Variants in CYP3A5 observed in about 807,000 individuals in gnomAD.
CYP3A5 encodes the protein cytochrome P450 3A5.
A neutral mutation model predicts 55.9 loss-of-function variants in CYP3A5; 51 were observed. That is an observed-to-expected ratio of 0.91 (90% CI 0.73 to 1.15). The LOEUF (loss-of-function observed/expected upper bound fraction) is 1.15. Among genes scored for constraint, CYP3A5 ranks in the 50% most tolerant of loss-of-function variants. The pLI is 0.00. For synonymous variants in CYP3A5, 196 were observed against 213.9 expected (o/e 0.92, Z 0.73); for missense variants, 533 against 596.6 (o/e 0.89, Z 1.11).
Position 99,653,381 on chromosome 7 carries a change from G to A in CYP3A5, c.1027-602C>T, listed in dbSNP as rs944149953. Among the ~76,000 whole-genome samples the A allele has an allele frequency of 3.3e-5, 5 of 151,996 alleles. No homozygotes were observed. Among genetic ancestry groups the A allele is most frequent in the African/African-American group, 4.8e-5 (2 of 41,342 alleles). On this transcript the variant is annotated intron_variant, in intron 10 of 12. Coordinates refer to ENST00000222982, the MANE Select transcript of CYP3A5 (RefSeq NM_000777.5). This position sits in a 1 kb window ranked among gnomAD's most constrained non-coding sequence, Gnocchi z 4.2. The stretch of plus-strand genomic sequence containing the variant: ...CGGGAGGATGGCTTGAGCCTGGGAG[G>A]CAGAGTTTGCAGTGAGCTGAGATTG...
At chr7:99,675,769 A>G (rs951385574) in intron 2 of CYP3A5, among the ~76,000 whole-genome samples, 1 of 142,838 alleles carries the variant, frequency 7.0e-6, no homozygotes, top group African/African-American at 2.7e-5. Flanking sequence ...TCACAGCTCA[A>G]TACAGCCTTG....
At position 99,670,550 on chromosome 7, in the gene CYP3A5, A is replaced by G. The variant is rs908533829; in HGVS notation, c.318+2030T>C. Among the ~76,000 whole-genome samples, 4 of 152,232 alleles carry G rather than the reference A, an allele frequency of 2.6e-5. No homozygotes were observed. In the East Asian group the frequency reaches 7.7e-4, roughly 29 times the overall value. ...ATTTGCAACTCCATTTTCAGTCGAC[A>G]TATATATGTTACCTGGCAATTTTGA... On this transcript the variant is annotated intron_variant, in intron 4 of 12. Coordinates refer to ENST00000222982, the MANE Select transcript of CYP3A5 (RefSeq NM_000777.5).
At chr7:99,666,482 G>T in intron 6 of CYP3A5, 119 bp downstream of exon 6, 1 of 1,121,650 alleles carries the variant, frequency 8.9e-7, no homozygotes. Flanking sequence ...TGGAGTTGCA[G>T]CGCTGCCCTG....
intron 4 of CYP3A5, among the ~76,000 whole-genome samples, chr7:99,667,788 T>C (rs1811186298): frequency 6.6e-6 from 1 of 152,206 alleles, no homozygotes; most frequent in Admixed American, 6.5e-5. Context: ...GAGAGACAGT[T>C]CCTTCATTTG....
intron 4 of CYP3A5, among the ~76,000 whole-genome samples, chr7:99,669,608 G>C (rs1811379061): frequency 5.3e-5 from 8 of 152,182 alleles, no homozygotes. Context: ...CGTTTGGAGA[G>C]TAAAACTGCT....
In CYP3A5 at chr7:99,676,111, T is replaced by G. The variant is rs756323485; in HGVS notation, c.165+4A>C. The G allele has an allele frequency of 6.2e-6, 10 of 1,613,076 alleles. No individual in the cohort carries two copies. The South Asian group carries it at 1.1e-4, about 18-fold the overall frequency. ...AAGCAAAAGAGGAAGCTCAAGCAAC[T>G]CACCTGACGATAGGACAAAACATTT... On this transcript the variant is annotated splice_donor_region_variant and intron_variant, in intron 2 of 12. Transcript: ENST00000222982.
At chr7:99,656,663 G>T (rs933459368) in intron 10 of CYP3A5, among the ~76,000 whole-genome samples, 2 of 152,052 alleles carry the variant, frequency 1.3e-5, no homozygotes, top group Non-Finnish European at 2.9e-5. Flanking sequence ...ATGGTACCAG[G>T]TCCTCCTTGT....
Position 99,654,507 on chromosome 7 carries a change from G to T in CYP3A5, c.1027-1728C>A, listed in dbSNP as rs1809518938. ...TATTGGACATTTGGGTTGGTTCCAA[G>T]TCTTTGCTATTGTGAATAGTGCTGC... On this transcript the variant is annotated intron_variant, in intron 10 of 12. Transcript: ENST00000222982. 2.0e-5 allele frequency among the ~76,000 whole-genome samples: 3 copies of T among 152,210 alleles called. No homozygotes were observed. The South Asian group carries it at 6.2e-4, about 32-fold the overall frequency.
At position 99,660,523 on chromosome 7, in the gene CYP3A5, C is replaced by T; in HGVS notation, c.1002G>A (p.Glu334=). ...CCTTATTGGGCAAAACTGCATCAATCTCCTTTTGCAGTTTCTGCTGGACAT... is the reference window on the plus strand; with the variant it reads ...CCTTATTGGGCAAAACTGCATCAATTTCCTTTTGCAGTTTCTGCTGGACAT... ...HPDVQQKLQK[E]IDAVLPNKAP... The change falls in exon 10 of 13, where the codon GAG becomes GAA. Residue 334 remains glutamate, a synonymous_variant. Coordinates refer to ENST00000222982, the MANE Select transcript of CYP3A5 (RefSeq NM_000777.5). 6.2e-7 allele frequency: 1 copy of T among 1,613,096 alleles called. No individual in the cohort carries two copies. Among genetic ancestry groups the T allele is most frequent in the Non-Finnish European group, 8.5e-7 (1 of 1,179,570 alleles).
intron 10 of CYP3A5, among the ~76,000 whole-genome samples, chr7:99,656,635 G>T (rs974744241): frequency 1.3e-5 from 2 of 152,146 alleles, no homozygotes; most frequent in African/African-American, 2.4e-5. Context: ...TCTATTGATT[G>T]GAATAGTTTC....
Position 99,665,231 on chromosome 7 carries a change from G to A in CYP3A5, c.605C>T (p.Pro202Leu), listed in dbSNP as rs1363955347. Residue 202 changes from proline to leucine, a missense_variant, in exon 7 of 13, where the codon CCC (proline) becomes CTC (leucine). Coordinates refer to ENST00000222982, the MANE Select transcript of CYP3A5 (RefSeq NM_000777.5). ...GAACTTCTTAGTGCTCTCCACAAAGGGGTCTTGTGGATTGTTGAGAGAGTC... is the reference window on the plus strand; with the variant it reads ...GAACTTCTTAGTGCTCTCCACAAAGAGGTCTTGTGGATTGTTGAGAGAGTC... ...NIDSLNNPQD[P>L]FVESTKKFLK... 2.5e-6 allele frequency: 4 copies of A among 1,613,656 alleles called. No individual in the cohort carries two copies. Among genetic ancestry groups the A allele is most frequent in the Admixed American group, 1.7e-5 (1 of 60,000 alleles).
chr7:99,657,540 T>C (rs996278217), intron 10 of CYP3A5, among the ~76,000 whole-genome samples: 1 of 152,236 alleles, frequency 6.6e-6, no homozygotes, highest in Admixed American at 6.5e-5. Context: ...GGTGTGGTGC[T>C]GAAAAGAATG....
intron 10 of CYP3A5, among the ~76,000 whole-genome samples, chr7:99,655,120 T>A (rs1809577208): frequency 6.6e-6 from 1 of 152,256 alleles, no homozygotes; most frequent in Non-Finnish European, 1.5e-5. Context: ...TTGTTGCCAT[T>A]GCTTTTGGTG....
At chr7:99,651,554 A>T (rs1314479229) in intron 11 of CYP3A5, among the ~76,000 whole-genome samples, 1 of 152,188 alleles carries the variant, frequency 6.6e-6, no homozygotes. Flanking sequence ...TCTGTGAACA[A>T]GTATTATGTG....
At chr7:99,659,405 C>T (rs1251813091) in intron 10 of CYP3A5, 1 of 155,226 alleles carries the variant, frequency 6.4e-6, no homozygotes, top group Non-Finnish European at 1.4e-5. Context: ...TGGTGACCCG[C>T]AAATGCTGCT....
At chr7:99,661,088 A>G (rs1300877537) in intron 9 of CYP3A5, among the ~76,000 whole-genome samples, 1 of 152,224 alleles carries the variant, frequency 6.6e-6, no homozygotes, top group Non-Finnish European at 1.5e-5. Context: ...GAGAATTCCA[A>G]TATAGCTTGA....
chr7:99,654,551 T>G (rs1033086815), intron 10 of CYP3A5, among the ~76,000 whole-genome samples: 1 of 152,228 alleles, frequency 6.6e-6, no homozygotes, highest in African/African-American at 2.4e-5. Flanking sequence ...TAAGTGTGCA[T>G]GTGTGTTTAT....
intron 2 of CYP3A5, 61 bp downstream of exon 2, chr7:99,676,054 G>T: frequency 6.8e-7 from 1 of 1,461,258 alleles, no homozygotes; most frequent in Non-Finnish European, 9.6e-7. Flanking sequence ...CATTTTTACT[G>T]ATGGAACTAA....
At chr7:99,650,303 T>TA in intron 11 of CYP3A5, 71 bp from the exon 12 acceptor site, 1 of 1,485,154 alleles carries the variant, frequency 6.7e-7, no homozygotes, top group Non-Finnish European at 9.3e-7. Flanking sequence ...TAGGGGTTCT[T>TA]ACTTAAGAAC....
Sources: gnomAD v4.1 joint callset for allele counts (sites outside exome capture counted in the v4.1 genomes callset) on GRCh38, gnomAD v4.1.1 for gene constraint, Gnocchi (gnomAD v3.1) non-coding constraint, MANE v1.5 for transcripts, NCBI Gene and HGNC (gene_info 2026-07-23, HGNC 2026-07-21) for gene names.